The following SLC25A38 variants were observed in gnomAD, a reference collection of about 807,000 sequenced individuals.
The protein encoded by SLC25A38 is mitochondrial glycine transporter.
A neutral mutation model predicts 33.4 loss-of-function variants in SLC25A38; 27 were observed. The observed-to-expected ratio is 0.81, with a 90% CI of 0.60 to 1.11. The LOEUF is 1.11. Among genes scored for constraint, SLC25A38 ranks in the 50% most tolerant of loss-of-function variants. The pLI, the probability that SLC25A38 is intolerant of heterozygous loss-of-function variation, is 0.00. For synonymous variants in SLC25A38, 123 were observed against 145.9 expected (o/e 0.84, Z 1.13); for missense variants, 344 against 388.8 (o/e 0.88, Z 0.97).
chr3:39,394,440 C>T lies in SLC25A38; in HGVS notation c.656C>T (p.Thr219Ile). ...DQVDATLIPI[T>I]NFSCGIFAGI... Reference sequence around the variant, plus strand: ...GTGGATGCAACCCTTATTCCTATTACAAATTTCAGCTGTGGGATATTTGCT... The same window carrying T: ...GTGGATGCAACCCTTATTCCTATTATAAATTTCAGCTGTGGGATATTTGCT... Residue 219 changes from threonine (T) to isoleucine (I), a missense_variant, in exon 6 of 7, where the codon ACA becomes ATA. Physicochemically the swap from Thr to Ile is moderately conservative, Grantham distance 89. Transcript: ENST00000650617. 1 of 1,613,502 alleles carries T rather than the reference C, an allele frequency of 6.2e-7. No homozygotes were observed. Among genetic ancestry groups the T allele is most frequent in the South Asian group, 1.1e-5 (1 of 91,056 alleles).
In SLC25A38 at chr3:39,396,893, G is replaced by C. The variant is rs1164045831; in HGVS notation, c.*373G>C. The C allele has an allele frequency of 8.7e-6, 3 of 344,140 alleles. No homozygotes were observed. In the East Asian group the frequency reaches 2.2e-4, roughly 25 times the overall value. 21.3% of individuals were successfully genotyped at this position (344,140 alleles called of 1,614,324 possible). On this transcript the variant is annotated 3_prime_UTR_variant, in exon 7 of 7. Coordinates refer to ENST00000650617, the MANE Select transcript of SLC25A38 (RefSeq NM_017875.4). The stretch of plus-strand genomic sequence containing the variant: ...TCTTGGGCAAGCAATCACAAAGCCA[G>C]AGAAGCTGTAAGCTGCCTGCCGGGC...
intron 5 of SLC25A38, among the ~76,000 whole-genome samples, chr3:39,393,364 A>AT (rs886720916): frequency 5.9e-5 from 9 of 152,062 alleles, no homozygotes; most frequent in African/African-American, 1.9e-4. Flanking sequence ...CAATGTACAT[A>AT]TTTTTTTCCT....
chr3:39,386,402 G>A (rs563583206), intron 1 of SLC25A38, among the ~76,000 whole-genome samples: 3 of 152,040 alleles, frequency 2.0e-5, no homozygotes, highest in South Asian at 2.1e-4. Flanking sequence ...GCAACATAGC[G>A]AAACCCCGTC....
rs758451219 is a variant in SLC25A38 at position 39,394,445 on chromosome 3, T to C, written c.661T>C (p.Phe221Leu). ...VDATLIPITN[F>L]SCGIFAGILA... ...TGCAACCCTTATTCCTATTACAAAT[T>C]TCAGCTGTGGGATATTTGCTGGTAT... The change falls in exon 6 of 7, where the codon TTC (phenylalanine) becomes CTC (leucine). Residue 221 changes from phenylalanine (F) to leucine (L), a missense_variant. Physicochemically the swap from Phe to Leu is conservative, Grantham distance 22. This residue lies in a region of SLC25A38 where 75 missense variants were observed against 117.0 expected (regional missense o/e 0.64). Coordinates refer to ENST00000650617, the MANE Select transcript of SLC25A38 (RefSeq NM_017875.4). The C allele has an allele frequency of 3.1e-6, 5 of 1,613,642 alleles. No homozygotes were observed. In the Admixed American group the frequency reaches 8.3e-5, roughly 27 times the overall value.
intron 3 of SLC25A38, among the ~76,000 whole-genome samples, chr3:39,390,746 T>C (rs938306832): frequency 1.3e-5 from 2 of 152,222 alleles, no homozygotes; most frequent in African/African-American, 4.8e-5. Context: ...CATAGGTACC[T>C]AATGTCCCAC....
At chr3:39,392,342 G>A (rs558447909) in intron 5 of SLC25A38, among the ~76,000 whole-genome samples, 24 of 152,208 alleles carry the variant, frequency 1.6e-4, no homozygotes, top group African/African-American at 5.5e-4. Context: ...TAAGATTGCT[G>A]GGTCCCATCC....
chr3:39,388,639 G>GTTTA (rs1046821338), intron 1 of SLC25A38, among the ~76,000 whole-genome samples: 44 of 152,202 alleles, frequency 2.9e-4, no homozygotes, highest in Admixed American at 3.9e-4. Context: ...ATAGCTATTT[G>GTTTA]TTTATTTATT....
rs746370809 is a variant in SLC25A38 at position 39,390,424 on chromosome 3, T to G, written c.193T>G (p.Ser65Ala). ...LQTLQPSDHG[S>A]RRVGMLAVLL... is the part of the protein sequence containing the mutation. ...TGTCTCCATTTTGTCTGCTTTCAGG[T>G]CTAGACGTGTTGGGATGTTGGCTGT... Residue 65 changes from serine (S) to alanine (A), a missense_variant and splice_region_variant, in exon 3 of 7, where the codon TCT (serine) becomes GCT (alanine). By Grantham distance (99) the Ser-to-Ala change is moderately conservative. Coordinates refer to ENST00000650617, the MANE Select transcript of SLC25A38 (RefSeq NM_017875.4). 3 of 1,614,208 alleles carry G rather than the reference T, an allele frequency of 1.9e-6. No homozygotes were observed. The highest frequency in any genetic ancestry group is 1.7e-5 in the Admixed American group (1 of 60,028).
At chr3:39,392,204 G>A (rs1228942581) in intron 5 of SLC25A38, among the ~76,000 whole-genome samples, 183 bp downstream of exon 5, 6 of 117,024 alleles carry the variant, frequency 5.1e-5, no homozygotes, top group Non-Finnish European at 9.7e-5. Context: ...GCCCTTTGGA[G>A]TTTACATCCT....
chr3:39,395,541 C>T (rs2041818322), intron 6 of SLC25A38, among the ~76,000 whole-genome samples: 1 of 152,074 alleles, frequency 6.6e-6, no homozygotes, highest in South Asian at 2.1e-4. Flanking sequence ...GTGTTCTTAT[C>T]TCTATATCTA....
intron 1 of SLC25A38, 88 bp downstream of exon 1, chr3:39,383,881 C>G: frequency 5.5e-6 from 8 of 1,443,312 alleles, no homozygotes; most frequent in Non-Finnish European, 7.7e-6. Context: ...CTCGGCTACC[C>G]TTTTCCGCGC....
Position 39,383,490 on chromosome 3 carries a change from GA to G in SLC25A38, c.-233del. The G allele has an allele frequency of 1.7e-6, 1 of 573,402 alleles. No homozygotes were observed. The highest frequency in any genetic ancestry group is 3.1e-6 in the Non-Finnish European group (1 of 319,510). 35.5% of individuals were successfully genotyped at this position (573,402 alleles called of 1,614,324 possible). On this transcript the variant is annotated 5_prime_UTR_variant, in exon 1 of 7. Transcript: ENST00000650617. ...GAGCCGCGGAGTCTGCGGCGCGGGT[GA>G]AGAGCGGCGCGTAATTCCCGCAGCA...
At chr3:39,391,326 C>A in intron 3 of SLC25A38, 115 bp from the exon 4 acceptor site, 1 of 1,454,978 alleles carries the variant, frequency 6.9e-7, no homozygotes, top group Non-Finnish European at 9.6e-7. Context: ...CCTTCCACAC[C>A]TTAAACAAAG....
rs1467784842 is a variant in SLC25A38 at position 39,394,603 on chromosome 3, C to G, written c.792+27C>G. 5 of 1,613,634 alleles carry G rather than the reference C, an allele frequency of 3.1e-6. No individual in the cohort carries two copies. In the East Asian group the frequency reaches 8.9e-5, roughly 29 times the overall value. ...TAAGACTACAAAATAAGTACTGGTT[C>G]TTGTGGTGTTTAAGGATCTCTTTCT... On this transcript the variant is annotated intron_variant, in intron 6 of 6. Transcript: ENST00000650617.
chr3:39,390,458 A>G lies in SLC25A38; in HGVS notation c.227A>G (p.Lys76Arg), dbSNP rs1181943477. 1.9e-6 allele frequency: 3 copies of G among 1,614,140 alleles called. No individual in the cohort carries two copies. The Admixed American group carries it at 5.0e-5, about 27-fold the overall frequency. Residue 76 changes from lysine to arginine, a missense_variant, in exon 3 of 7, where the codon AAG becomes AGG. Transcript: ENST00000650617. Reference protein sequence around the residue: ...RRVGMLAVLLKVVRTESLLGL... With the variant: ...RRVGMLAVLLRVVRTESLLGL... ...GTTGGGATGTTGGCTGTACTCTTGA[A>G]GGTGGTTCGCACGGAGAGTCTTTTG...
chr3:39,395,411 A>T (rs200130197), intron 6 of SLC25A38, among the ~76,000 whole-genome samples: 2 of 78,442 alleles, frequency 2.5e-5, no homozygotes, highest in African/African-American at 3.5e-5. Context: ...TATTTAAATT[A>T]AAAAAAAAAT....
rs145760389 is a variant in SLC25A38 at position 39,394,417 on chromosome 3, G to A, written c.633G>A (p.Val211=). The change falls in exon 6 of 7, where the codon GTG becomes GTA. Residue 211 remains valine, a synonymous_variant. Transcript: ENST00000650617. ...ACCTTTGTTCTATTTCAGACCAGGT[G>A]GATGCAACCCTTATTCCTATTACAA... ...QTKNIVPHDQ[V]DATLIPITNF... is the part of the protein sequence containing the mutation. 42 of 1,612,682 alleles carry A rather than the reference G, an allele frequency of 2.6e-5. No individual in the cohort carries two copies. In the Admixed American group the frequency reaches 5.3e-4, roughly 20 times the overall value.
intron 5 of SLC25A38, among the ~76,000 whole-genome samples, chr3:39,392,359 T>C (rs577883200): frequency 6.6e-6 from 1 of 152,312 alleles, no homozygotes; most frequent in South Asian, 2.1e-4. Flanking sequence ...ATCCAAGGCC[T>C]CTTAGATGAG....
rs2125577748 is a variant in SLC25A38 at position 39,389,511 on chromosome 3, A to G, written c.86A>G (p.Lys29Arg). 3 of 1,614,192 alleles carry G rather than the reference A, an allele frequency of 1.9e-6. No individual in the cohort carries two copies. Among genetic ancestry groups the G allele is most frequent in the Non-Finnish European group, 2.5e-6 (3 of 1,180,032 alleles). The part of the protein sequence containing the change: ...VETLMLHPVI[K>R]AFLCGSISGT... ...ATCCTGCAGTTACATCCGGTGATCAAGGCTTTCCTGTGTGGCTCCATCAGT... is the reference window on the plus strand; with the variant it reads ...ATCCTGCAGTTACATCCGGTGATCAGGGCTTTCCTGTGTGGCTCCATCAGT... Residue 29 changes from lysine (K) to arginine (R), a missense_variant, in exon 2 of 7, where the codon AAG becomes AGG. Lys to Arg is a conservative substitution (Grantham distance 26). Coordinates refer to ENST00000650617, the MANE Select transcript of SLC25A38 (RefSeq NM_017875.4). The surrounding 1 kb of genome is among the most constrained non-coding windows in gnomAD (Gnocchi z 4.5).
Sources: allele counts gnomAD v4.1 joint callset (sites outside exome capture counted in the v4.1 genomes callset), GRCh38; gene constraint gnomAD v4.1.1; regional missense constraint gnomAD v4.1.1; non-coding constraint Gnocchi (gnomAD v3.1); transcripts MANE v1.5; gene names NCBI Gene and HGNC (gene_info 2026-07-23, HGNC 2026-07-21).